Variants in WWOX observed in about 807,000 individuals in gnomAD.
WWOX encodes the protein WW domain-containing oxidoreductase.
Under a neutral mutation model 46.2 loss-of-function variants are expected in WWOX, and 69 were observed. The observed-to-expected ratio is 1.49, with a 90% CI of 1.23 to 1.82. The LOEUF is 1.82. Ranked by LOEUF, WWOX falls within the 40% of genes most tolerant of loss-of-function variation. The probability of loss-of-function intolerance (pLI) is 0.00; values close to 1 mark genes in which losing one functional copy is unlikely to be tolerated. For missense variants in WWOX, 919 were observed against 542.6 expected (o/e 1.69, Z -6.89); for synonymous variants, 359 against 202.6 (o/e 1.77, Z -6.56).
intron 8 of WWOX, among the ~76,000 whole-genome samples, chr16:78,893,616 A>C (rs2044638138): frequency 6.6e-6 from 1 of 152,146 alleles, no homozygotes; most frequent in Non-Finnish European, 1.5e-5. Context: ...TGTTGCAGCC[A>C]ATATTTCATG....
At chr16:78,723,609 T>TCTTCTACCTTGATTCCCAGCC (rs1555523682) in intron 8 of WWOX, among the ~76,000 whole-genome samples, 3 of 42,560 alleles carry the variant, frequency 7.0e-5, no homozygotes, top group African/African-American at 2.1e-4. Flanking sequence ...TTTCTTTTCT[T>TCTTCTACCTTGATTCCCAGCC]TTCTTTTCTT....
At position 78,226,720 on chromosome 16, in the gene WWOX, C is replaced by A. The variant is rs139785163; in HGVS notation, c.516+62431C>A. On this transcript the variant is annotated intron_variant, in intron 5 of 8. Coordinates refer to ENST00000566780, the MANE Select transcript of WWOX (RefSeq NM_016373.4). ...ATTGTCACACTGGATAGGTAATAGA[C>A]GCCGGCATGGCTATGCTGTGGTTCC... Among the ~76,000 whole-genome samples the A allele has an allele frequency of 1.7e-3, 257 of 152,104 alleles. 4 individuals carry two copies. The highest frequency in any genetic ancestry group is 5.8e-3 in the African/African-American group (241 of 41,462).
chr16:78,437,269 C>T (rs372765592), intron 8 of WWOX, among the ~76,000 whole-genome samples: 1 of 152,182 alleles, frequency 6.6e-6, no homozygotes, highest in South Asian at 2.1e-4. Flanking sequence ...ATTTTAGTTA[C>T]AGTAATTAGG....
At chr16:78,581,780 A>T (rs905314003) in intron 8 of WWOX, among the ~76,000 whole-genome samples, 1 of 152,178 alleles carries the variant, frequency 6.6e-6, no homozygotes, top group African/African-American at 2.4e-5. Context: ...AGATGACAGG[A>T]CTTAATACAA....
intron 8 of WWOX, among the ~76,000 whole-genome samples, chr16:79,042,913 G>T (rs2194344): frequency 6.6e-6 from 1 of 151,910 alleles, no homozygotes; most frequent in African/African-American, 2.4e-5. Context: ...TAAGTGATGC[G>T]TCAGAATTTC....
intron 8 of WWOX, among the ~76,000 whole-genome samples, chr16:78,919,503 T>C (rs987816274): frequency 6.8e-6 from 1 of 146,608 alleles, no homozygotes; most frequent in African/African-American, 2.5e-5. Flanking sequence ...TTCTCTTTTT[T>C]TTCTTTTATC....
At chr16:78,386,772 C>T in intron 5 of WWOX, 88 bp from the exon 6 acceptor site, 1 of 1,180,842 alleles carries the variant, frequency 8.5e-7, no homozygotes, top group Non-Finnish European at 1.3e-6. Flanking sequence ...GGAATTCCGA[C>T]ATGTTCCATA....
At chr16:79,010,714 C>G (rs2047286316) in intron 8 of WWOX, among the ~76,000 whole-genome samples, 1 of 151,442 alleles carries the variant, frequency 6.6e-6, no homozygotes, top group Non-Finnish European at 1.5e-5. Flanking sequence ...GGAGGTTTGG[C>G]CATGGGTACC....
intron 8 of WWOX, among the ~76,000 whole-genome samples, chr16:78,918,455 C>G (rs916614683): frequency 5.3e-5 from 8 of 151,962 alleles, no homozygotes; most frequent in African/African-American, 1.7e-4. Context: ...TGGACTGTCA[C>G]TTGGTTGTTC....
At chr16:79,198,342 A>G (rs763031211) in intron 8 of WWOX, among the ~76,000 whole-genome samples, 5 of 152,284 alleles carry the variant, frequency 3.3e-5, no homozygotes, top group Non-Finnish European at 7.4e-5. Flanking sequence ...TCAAAAAAAG[A>G]GAAAAGTAAA....
At chr16:78,609,732 G>A (rs190682426) in intron 8 of WWOX, among the ~76,000 whole-genome samples, 334 of 152,192 alleles carry the variant, frequency 2.2e-3, no homozygotes, top group Non-Finnish European at 3.1e-3. Flanking sequence ...ATATAGTTTC[G>A]TTTGGAAAAC....
At chr16:78,958,779 T>A (rs2046218361) in intron 8 of WWOX, among the ~76,000 whole-genome samples, 1 of 152,242 alleles carries the variant, frequency 6.6e-6, no homozygotes, top group African/African-American at 2.4e-5. Context: ...TTGGATAGTT[T>A]AATCTGAAAA....
intron 8 of WWOX, among the ~76,000 whole-genome samples, chr16:78,529,801 C>G (rs749236579): frequency 9.2e-5 from 14 of 152,134 alleles, no homozygotes; most frequent in Non-Finnish European, 1.5e-4. Flanking sequence ...TATTAAATAC[C>G]TAGGATTATA....
intron 8 of WWOX, among the ~76,000 whole-genome samples, chr16:78,751,423 A>G (rs939389815): frequency 3.4e-5 from 5 of 145,954 alleles, no homozygotes; most frequent in East Asian, 4.0e-4. Flanking sequence ...GATTATATAT[A>G]TATATATTTA....
At chr16:78,769,530 A>ATTCT (rs2050012282) in intron 8 of WWOX, among the ~76,000 whole-genome samples, 1 of 103,936 alleles carries the variant, frequency 9.6e-6, no homozygotes, top group Non-Finnish European at 1.9e-5. Flanking sequence ...CACCCCCCAC[A>ATTCT]TTATTTATTT....
At chr16:78,625,479 C>G (rs144306314) in intron 8 of WWOX, among the ~76,000 whole-genome samples, 1 of 151,988 alleles carries the variant, frequency 6.6e-6, no homozygotes. Flanking sequence ...AAACAGACTT[C>G]GTTAGAACAT....
chr16:78,700,074 T>G (rs562741227), intron 8 of WWOX, among the ~76,000 whole-genome samples: 2 of 152,082 alleles, frequency 1.3e-5, no homozygotes, highest in South Asian at 2.1e-4. Context: ...ACACCCTCAG[T>G]AAGAGATACT....
At chr16:79,083,713 C>A (rs1051032400) in intron 8 of WWOX, among the ~76,000 whole-genome samples, 8 of 152,162 alleles carry the variant, frequency 5.3e-5, no homozygotes, top group African/African-American at 1.4e-4. Flanking sequence ...CACTAACACC[C>A]GGCCCTGAAT....
At chr16:78,759,850 G>A (rs534242417) in intron 8 of WWOX, among the ~76,000 whole-genome samples, 1 of 152,270 alleles carries the variant, frequency 6.6e-6, no homozygotes, top group Non-Finnish European at 1.5e-5. Context: ...TTAGGGGAGA[G>A]TCCATTCCTT....
Sources: allele counts gnomAD v4.1 joint callset (sites outside exome capture counted in the v4.1 genomes callset), GRCh38; gene constraint gnomAD v4.1.1; transcripts MANE v1.5; gene names NCBI Gene and HGNC (gene_info 2026-07-23, HGNC 2026-07-21).